GABPA: variants seen among roughly 807,000 people sequenced by gnomAD.
The protein encoded by GABPA is GA binding protein transcription factor subunit alpha.
In GABPA, 4 loss-of-function variants were observed where a neutral mutation model predicts 59.4. That is an observed-to-expected ratio of 0.07 (90% CI 0.03 to 0.15). GABPA has a LOEUF of 0.15. Ranked by LOEUF, GABPA falls within the 10% of genes least tolerant of loss-of-function variation. The pLI is 1.00. For synonymous variants in GABPA, 164 were observed against 183.1 expected (o/e 0.90, Z 0.84); for missense variants, 251 against 543.8 (o/e 0.46, Z 5.36).
chr21:25,761,465 C>G (rs2035764005), intron 6 of GABPA, among the ~76,000 whole-genome samples: 1 of 151,920 alleles, frequency 6.6e-6, no homozygotes, highest in Admixed American at 6.5e-5. Flanking sequence ...TTTTACTTCC[C>G]CAACCTTTTC....
At chr21:25,755,638 T>C (rs2035618181) in intron 5 of GABPA, among the ~76,000 whole-genome samples, 1 of 152,078 alleles carries the variant, frequency 6.6e-6, no homozygotes, top group African/African-American at 2.4e-5. Context: ...CTCTTCAGTT[T>C]ATAGGCTTTT....
intron 5 of GABPA, 47 bp downstream of exon 5, chr21:25,752,281 G>T (rs2035531959): frequency 6.3e-7 from 1 of 1,578,900 alleles, no homozygotes. Context: ...TAGGAATTAA[G>T]CTTGACATAG....
At chr21:25,752,441 A>G in intron 5 of GABPA, 1 of 568,230 alleles carries the variant, frequency 1.8e-6, no homozygotes, top group Non-Finnish European at 3.1e-6. Flanking sequence ...AAAGAAGTCT[A>G]AAAAATTTCT....
At chr21:25,743,584 CTTTTT>C (rs58148744) in intron 2 of GABPA, among the ~76,000 whole-genome samples, 63 of 134,784 alleles carry the variant, frequency 4.7e-4, no homozygotes, top group African/African-American at 1.6e-3. Flanking sequence ...ATGAGATCAT[CTTTTT>C]TTTTTTTTTT....
In GABPA at chr21:25,772,139, G is replaced by C. The variant is rs983962822; in HGVS notation, c.*2907G>C. On this transcript the variant is annotated 3_prime_UTR_variant, in exon 10 of 10. Coordinates refer to ENST00000400075, the MANE Select transcript of GABPA (RefSeq NM_002040.4). ...CAAAAATGTTTTAAAATTCATAATTGCAAAACAAATCTGTGACTAACTTAA... is the reference window on the plus strand; with the variant it reads ...CAAAAATGTTTTAAAATTCATAATTCCAAAACAAATCTGTGACTAACTTAA... 1 of 152,030 alleles carries C rather than the reference G, an allele frequency of 6.6e-6. No individual in the cohort carries two copies. The highest frequency in any genetic ancestry group is 2.4e-5 in the African/African-American group (1 of 41,430). The allele number at this position is 152,030 out of a possible 1,614,324, so 9.4% of individuals were successfully genotyped here.
At chr21:25,757,849 ATTT>A (rs60518912) in intron 5 of GABPA, among the ~76,000 whole-genome samples, 158 bp from the exon 6 acceptor site, 21 of 108,690 alleles carry the variant, frequency 1.9e-4, no homozygotes, top group Admixed American at 4.0e-4. Context: ...TTACAGCATA[ATTT>A]TTTTTTTTTT....
intron 6 of GABPA, among the ~76,000 whole-genome samples, chr21:25,761,259 A>G (rs1193148342): frequency 2.6e-5 from 4 of 152,180 alleles, no homozygotes; most frequent in Non-Finnish European, 5.9e-5. Context: ...CAATAACCTC[A>G]TGAGGCAGTA....
At position 25,735,016 on chromosome 21, in the gene GABPA, T is replaced by C; in HGVS notation, c.-589T>C. 6.5e-7 allele frequency: 1 copy of C among 1,529,008 alleles called. No homozygotes were observed. The highest frequency in any genetic ancestry group is 8.8e-7 in the Non-Finnish European group (1 of 1,132,234). The allele number at this position is 1,529,008 out of a possible 1,614,324, so 94.7% of individuals were successfully genotyped here. Reference sequence around the variant, plus strand: ...GACAGGAAGCGTCTCGGAGACAGTCTGCGACCGGACGGGTCTAGGTGAGAC... The same window carrying C: ...GACAGGAAGCGTCTCGGAGACAGTCCGCGACCGGACGGGTCTAGGTGAGAC... On this transcript the variant is annotated 5_prime_UTR_variant, in exon 1 of 10. Transcript: ENST00000400075.
chr21:25,763,289 A>T (rs1436055416), intron 7 of GABPA: 2 of 356,902 alleles, frequency 5.6e-6, no homozygotes. Context: ...CCCCCTTTTC[A>T]GCATGCATCT....
chr21:25,749,643 C>A (rs1464610322), intron 4 of GABPA, among the ~76,000 whole-genome samples: 1 of 152,196 alleles, frequency 6.6e-6, no homozygotes, highest in African/African-American at 2.4e-5. Context: ...AACAGCCTGG[C>A]CAACATGGTG....
chr21:25,761,759 T>G (rs910627405), intron 6 of GABPA, among the ~76,000 whole-genome samples: 1 of 152,204 alleles, frequency 6.6e-6, no homozygotes, highest in Non-Finnish European at 1.5e-5. Flanking sequence ...ATTTTTATTT[T>G]GGGAACTATA....
At chr21:25,755,970 A>G (rs1215012839) in intron 5 of GABPA, among the ~76,000 whole-genome samples, 2 of 151,914 alleles carry the variant, frequency 1.3e-5, no homozygotes, top group African/African-American at 2.4e-5. Context: ...ATCGATTACC[A>G]CTCTGCTTAT....
chr21:25,764,792 G>A lies in GABPA; in HGVS notation c.1136+5G>A. On this transcript the variant is annotated splice_donor_5th_base_variant and intron_variant, in intron 9 of 9. Coordinates refer to ENST00000400075, the MANE Select transcript of GABPA (RefSeq NM_002040.4). ...GAAACTCAGTCGTGCATTAAGGTAA[G>A]CCTTTATTACTTTTTTTTCTGTTAT... The A allele has an allele frequency of 6.5e-7, 1 of 1,538,054 alleles. No individual in the cohort carries two copies.
At chr21:25,759,516 C>T (rs983690880) in intron 6 of GABPA, among the ~76,000 whole-genome samples, 2 of 152,086 alleles carry the variant, frequency 1.3e-5, no homozygotes, top group African/African-American at 2.4e-5. Flanking sequence ...AGTGCTTTCT[C>T]TGCTGGTGAA....
intron 3 of GABPA, among the ~76,000 whole-genome samples, chr21:25,747,554 G>A (rs571948453): frequency 1.8e-4 from 27 of 152,306 alleles, no homozygotes; most frequent in African/African-American, 6.0e-4. Flanking sequence ...TGTTCTTCAT[G>A]TCAATGCAAA....
chr21:25,748,115 A>C (rs1019162921), intron 3 of GABPA, among the ~76,000 whole-genome samples: 6 of 152,182 alleles, frequency 3.9e-5, no homozygotes, highest in Non-Finnish European at 8.8e-5. Flanking sequence ...CATGTTGCCC[A>C]GGCTGGTCTC....
intron 1 of GABPA, among the ~76,000 whole-genome samples, chr21:25,736,999 TA>T (rs2035087773): frequency 6.6e-6 from 1 of 152,230 alleles, no homozygotes; most frequent in Non-Finnish European, 1.5e-5. Context: ...AGCTCTGTAA[TA>T]ATGCTCTCCA....
intron 9 of GABPA, among the ~76,000 whole-genome samples, 196 bp from the exon 10 acceptor site, chr21:25,768,808 G>A (rs984588496): frequency 6.6e-6 from 1 of 152,068 alleles, no homozygotes; most frequent in Non-Finnish European, 1.5e-5. Context: ...GGAGTAGTGA[G>A]CATTGAAATT....
Position 25,752,125 on chromosome 21 carries a change from C to T in GABPA, c.444C>T (p.Gly148=). The T allele has an allele frequency of 6.2e-7, 1 of 1,609,418 alleles. No individual in the cohort carries two copies. Among genetic ancestry groups the T allele is most frequent in the Non-Finnish European group, 8.5e-7 (1 of 1,176,026 alleles). The change falls in exon 5 of 10, where the codon GGC becomes GGT. Residue 148 remains glycine (G), a synonymous_variant. Transcript: ENST00000400075. ...VEEAQVITLD[G]TKHITTISDE... The stretch of plus-strand genomic sequence containing the variant: ...AAGCTCAAGTGATAACTCTTGATGG[C>T]ACAAAACACATCACAACCATTTCAG...
Sources: allele counts gnomAD v4.1 joint callset (sites outside exome capture counted in the v4.1 genomes callset), GRCh38; gene constraint gnomAD v4.1.1; transcripts MANE v1.5; gene names NCBI Gene and HGNC (gene_info 2026-07-23, HGNC 2026-07-21).